The following DDAH1 variants were observed in gnomAD, a reference collection of about 807,000 sequenced individuals.
The protein encoded by DDAH1 is N(G),N(G)-dimethylarginine dimethylaminohydrolase 1.
A neutral mutation model predicts 28.8 loss-of-function variants in DDAH1; 19 were observed. The ratio of observed to expected loss-of-function variants is 0.66; its 90% CI spans 0.46 to 0.97. DDAH1 has a LOEUF of 0.97. Ranked by LOEUF, DDAH1 falls within the 50% of genes least tolerant of loss-of-function variation. The probability of loss-of-function intolerance (pLI) is 0.00; values close to 1 mark genes in which losing one functional copy is unlikely to be tolerated. For missense variants in DDAH1, 326 were observed against 375.9 expected (o/e 0.87, Z 1.10); for synonymous variants, 153 against 154.4 (o/e 0.99, Z 0.07).
chr1:85,544,650 G>A (rs1397232865), intron 1 of DDAH1, among the ~76,000 whole-genome samples: 1 of 152,136 alleles, frequency 6.6e-6, no homozygotes, highest in Non-Finnish European at 1.5e-5. Context: ...ATAAAGTGGA[G>A]AGGAAATTTC....
At chr1:85,541,226 C>T (rs913442028) in intron 1 of DDAH1, among the ~76,000 whole-genome samples, 1 of 152,152 alleles carries the variant, frequency 6.6e-6, no homozygotes, top group Non-Finnish European at 1.5e-5. Flanking sequence ...TAAGTGATAG[C>T]CTTTATATTT....
chr1:85,523,615 C>T (rs1317022976), intron 1 of DDAH1, among the ~76,000 whole-genome samples: 1 of 151,964 alleles, frequency 6.6e-6, no homozygotes, highest in Non-Finnish European at 1.5e-5. Flanking sequence ...CCTTCTTGTA[C>T]TTCAGAGCCT....
chr1:85,405,638 A>AT (rs1652368426), intron 1 of DDAH1, among the ~76,000 whole-genome samples: 1 of 151,838 alleles, frequency 6.6e-6, no homozygotes, highest in Non-Finnish European at 1.5e-5. Flanking sequence ...TGCCCTAAAA[A>AT]AAAAAGCCCT....
intron 1 of DDAH1, among the ~76,000 whole-genome samples, chr1:85,557,214 T>C (rs1658998222): frequency 6.6e-6 from 1 of 152,220 alleles, no homozygotes; most frequent in Admixed American, 6.5e-5. Context: ...AGACAGGAAC[T>C]GTCTTTTGCA....
At chr1:85,454,183 C>T (rs903065332) in intron 1 of DDAH1, among the ~76,000 whole-genome samples, 2 of 152,204 alleles carry the variant, frequency 1.3e-5, no homozygotes, top group Admixed American at 6.5e-5. Context: ...GCTTTCCTGT[C>T]TTAACATAAC....
At chr1:85,517,994 G>A (rs990296172) in intron 1 of DDAH1, among the ~76,000 whole-genome samples, 2 of 152,196 alleles carry the variant, frequency 1.3e-5, no homozygotes, top group African/African-American at 2.4e-5. Flanking sequence ...TATTCATAAA[G>A]TATCTAATTG....
chr1:85,321,158 TACAG>T lies in DDAH1; in HGVS notation c.*290_*293del. The T allele has an allele frequency of 4.4e-6, 1 of 226,176 alleles. No individual in the cohort carries two copies. Among genetic ancestry groups the T allele is most frequent in the Non-Finnish European group, 8.6e-6 (1 of 116,806 alleles). 14.0% of individuals were successfully genotyped at this position (226,176 alleles called of 1,614,324 possible). On this transcript the variant is annotated 3_prime_UTR_variant, in exon 6 of 6. Coordinates refer to ENST00000284031, the MANE Select transcript of DDAH1 (RefSeq NM_012137.4). ...AACTAAATAATTTTCACACCAAAAATACAGACACTAAATGAGTGTTTCCTTACTG... is the reference window on the plus strand; with the variant it reads ...AACTAAATAATTTTCACACCAAAAATACACTAAATGAGTGTTTCCTTACTG...
At chr1:85,377,106 T>C (rs186844225) in intron 1 of DDAH1, among the ~76,000 whole-genome samples, 223 of 152,172 alleles carry the variant, frequency 1.5e-3, no homozygotes, top group African/African-American at 4.8e-3. Context: ...CAAGAGACAT[T>C]TGTGGTCATA....
intron 4 of DDAH1, among the ~76,000 whole-genome samples, chr1:85,341,436 T>G (rs1402504598): frequency 6.6e-6 from 1 of 152,240 alleles, no homozygotes; most frequent in Non-Finnish European, 1.5e-5. Context: ...TAATTAAAGC[T>G]TCTTCTAAGA....
chr1:85,556,959 A>C (rs1249665953), intron 1 of DDAH1, among the ~76,000 whole-genome samples: 2 of 152,166 alleles, frequency 1.3e-5, no homozygotes, highest in Admixed American at 6.5e-5. Flanking sequence ...TCTACTGAAA[A>C]CACAAAAATT....
chr1:85,363,516 C>G (rs1378896920), intron 1 of DDAH1, among the ~76,000 whole-genome samples: 1 of 152,192 alleles, frequency 6.6e-6, no homozygotes, highest in Non-Finnish European at 1.5e-5. Flanking sequence ...GAGAGTTGAA[C>G]AGTAGCAACA....
intron 1 of DDAH1, among the ~76,000 whole-genome samples, chr1:85,381,898 G>T (rs185579682): frequency 6.6e-6 from 1 of 152,208 alleles, no homozygotes; most frequent in Non-Finnish European, 1.5e-5. Flanking sequence ...AAATGTGTGT[G>T]TGTTCTGACT....
intron 1 of DDAH1, among the ~76,000 whole-genome samples, chr1:85,548,546 G>A (rs1481498175): frequency 6.6e-6 from 1 of 152,082 alleles, no homozygotes; most frequent in Non-Finnish European, 1.5e-5. Flanking sequence ...TATCTGCAAG[G>A]GTTAATAACA....
At chr1:85,430,084 A>G (rs184977423) in intron 1 of DDAH1, among the ~76,000 whole-genome samples, 2 of 152,304 alleles carry the variant, frequency 1.3e-5, no homozygotes, top group East Asian at 3.9e-4. Flanking sequence ...TATAAGGTGT[A>G]AGGAAGGGAC....
chr1:85,422,837 CCT>C (rs1310946740), intron 1 of DDAH1, among the ~76,000 whole-genome samples: 2 of 152,110 alleles, frequency 1.3e-5, no homozygotes, highest in Non-Finnish European at 2.9e-5. Flanking sequence ...GCTTGTTCTC[CCT>C]GTCTATGTGC....
chr1:85,521,179 T>C (rs1447883314), intron 1 of DDAH1, among the ~76,000 whole-genome samples: 1 of 151,988 alleles, frequency 6.6e-6, no homozygotes, highest in Non-Finnish European at 1.5e-5. Context: ...TCAAGTTAGT[T>C]TGAGTGCAAG....
chr1:85,503,569 CCATCT>C (rs1368749147), intron 1 of DDAH1, among the ~76,000 whole-genome samples: 3 of 147,976 alleles, frequency 2.0e-5, no homozygotes, highest in Non-Finnish European at 4.5e-5. Flanking sequence ...ATCTATCTAT[CCATCT>C]ATCTATCCAT....
intron 1 of DDAH1, among the ~76,000 whole-genome samples, chr1:85,455,933 G>A (rs1424707679): frequency 6.6e-6 from 1 of 152,112 alleles, no homozygotes; most frequent in Non-Finnish European, 1.5e-5. Flanking sequence ...AGCAGAAAAA[G>A]TATAATGTCT....
intron 1 of DDAH1, among the ~76,000 whole-genome samples, chr1:85,400,739 C>T (rs983142313): frequency 1.3e-5 from 2 of 152,076 alleles, no homozygotes; most frequent in Non-Finnish European, 2.9e-5. Context: ...GACTAAAATA[C>T]CCACCAGGTT....
Sources: allele counts gnomAD v4.1 joint callset (sites outside exome capture counted in the v4.1 genomes callset), GRCh38; gene constraint gnomAD v4.1.1; transcripts MANE v1.5; gene names NCBI Gene and HGNC (gene_info 2026-07-23, HGNC 2026-07-21).